PCDHGC5: variants seen among roughly 807,000 people sequenced by gnomAD.
PCDHGC5 encodes the protein protocadherin gamma subfamily C, 5.
PCDHGC5 carries 25 observed loss-of-function variants against 59.0 expected under a neutral mutation model. The observed-to-expected ratio is 0.42, with a 90% CI of 0.31 to 0.59. The LOEUF is 0.59. PCDHGC5 is among the 20% of genes least tolerant of loss of function. The pLI is 0.13. For synonymous variants in PCDHGC5, 434 were observed against 505.5 expected, an observed-to-expected ratio of 0.86 and a Z score of 1.90; for missense variants, 1,067 against 1,206.4, an observed-to-expected ratio of 0.88 and a Z score of 1.71.
At chr5:141,494,770 C>A (rs767006872) in intron 1 of PCDHGC5, 37 bp from the exon 2 acceptor site, 14 of 1,613,904 alleles carry the variant, frequency 8.7e-6, no homozygotes, top group Non-Finnish European at 1.1e-5. Flanking sequence ...TAACTTCTCA[C>A]GGGTACTCAG....
chr5:141,489,990 A>G lies in PCDHGC5; in HGVS notation c.750A>G (p.Gly250=). ...TCCAATCCTCAGTTCTACGTGTGGG[A>G]ATCCCAGAGAATGCACCCATTGGTA... is the stretch of plus-strand genomic sequence containing the variant. ...PTFQSSVLRV[G]IPENAPIGTL... is the part of the protein sequence containing the mutation. Residue 250 remains glycine (G), a synonymous_variant, in exon 1 of 4, where the codon GGA becomes GGG. Transcript: ENST00000252087. This position sits in a 1 kb window ranked among gnomAD's most constrained non-coding sequence, Gnocchi z 4.5. 6.2e-7 allele frequency: 1 copy of G among 1,614,256 alleles called. No individual in the cohort carries two copies. Among genetic ancestry groups the G allele is most frequent in the Non-Finnish European group, 8.5e-7 (1 of 1,180,030 alleles).
chr5:141,489,206 C>A lies in PCDHGC5; in HGVS notation c.-35C>A. On this transcript the variant is annotated 5_prime_UTR_variant, in exon 1 of 4. Transcript: ENST00000252087. This position sits in a 1 kb window ranked among gnomAD's most constrained non-coding sequence, Gnocchi z 4.5. ...TGGGTCTACCTTGGAGACAGGACAG[C>A]ACAGACTTACTCTCCACAAAGGGAC... 2 of 1,439,024 alleles carry A rather than the reference C, an allele frequency of 1.4e-6. No individual in the cohort carries two copies. Among genetic ancestry groups the A allele is most frequent in the Non-Finnish European group, 1.9e-6 (2 of 1,060,928 alleles). 89.1% of individuals were successfully genotyped at this position (1,439,024 alleles called of 1,614,324 possible). A position where few individuals can be genotyped will look rare whatever the true frequency, so the allele number is the denominator to read the frequency against.
intron 1 of PCDHGC5, among the ~76,000 whole-genome samples, chr5:141,492,574 G>T (rs2099742096): frequency 6.6e-6 from 1 of 152,232 alleles, no homozygotes; most frequent in Non-Finnish European, 1.5e-5. Flanking sequence ...TGAGCGAGGC[G>T]CGGGGCCAGG....
At chr5:141,497,540 C>T (rs866982821) in intron 2 of PCDHGC5, among the ~76,000 whole-genome samples, 5 of 134,944 alleles carry the variant, frequency 3.7e-5, no homozygotes, top group African/African-American at 1.1e-4. Context: ...TGCAACAAAC[C>T]TTTTTTTTTT....
chr5:141,505,891 G>A (rs541853565), intron 3 of PCDHGC5, among the ~76,000 whole-genome samples: 9 of 152,288 alleles, frequency 5.9e-5, no homozygotes, highest in Admixed American at 5.9e-4. Context: ...GATTAAATGA[G>A]ATGATACCAC....
rs1562137828 is a variant in PCDHGC5 at position 141,490,359 on chromosome 5, T to C, written c.1119T>C (p.Asn373=). The change falls in exon 1 of 4, where the codon AAT becomes AAC. Residue 373 remains asparagine, a synonymous_variant. Transcript: ENST00000252087. This position sits in a 1 kb window ranked among gnomAD's most constrained non-coding sequence, Gnocchi z 5.4. ...TPVGTVVGLF[N]VRDRDSGRNG... ...TGGGCACAGTAGTGGGGTTGTTTAA[T>C]GTGCGAGACCGGGACTCAGGTAGAA... The C allele has an allele frequency of 1.9e-6, 3 of 1,614,212 alleles. No individual in the cohort carries two copies. The highest frequency in any genetic ancestry group is 2.5e-6 in the Non-Finnish European group (3 of 1,180,036).
chr5:141,505,402 T>G lies in PCDHGC5; in HGVS notation c.2529T>G (p.Asn843Lys), dbSNP rs1216666169. 1.9e-6 allele frequency: 3 copies of G among 1,614,014 alleles called. No homozygotes were observed. Among genetic ancestry groups the G allele is most frequent in the Non-Finnish European group, 2.5e-6 (3 of 1,180,034 alleles). Residue 843 changes from asparagine (N) to lysine (K), a missense_variant, in exon 3 of 4, where the codon AAT (asparagine) becomes AAG (lysine). Coordinates refer to ENST00000252087, the MANE Select transcript of PCDHGC5 (RefSeq NM_018929.3). The part of the protein sequence containing the change: ...AQRPGTSGSQ[N>K]GDDTGTWPNN... ...CCTACTCTCTCCCCAGCTCCCAAAA[T>G]GGCGATGACACCGGCACCTGGCCCA...
chr5:141,500,680 T>C (rs999167635), intron 2 of PCDHGC5, among the ~76,000 whole-genome samples: 7 of 152,224 alleles, frequency 4.6e-5, no homozygotes, highest in Non-Finnish European at 7.3e-5. Context: ...AACAGAATTA[T>C]AGCTTTTTTC....
intron 3 of PCDHGC5, among the ~76,000 whole-genome samples, chr5:141,509,539 A>G (rs749824780): frequency 1.3e-5 from 2 of 152,160 alleles, no homozygotes; most frequent in East Asian, 1.9e-4. Context: ...ATGAAGCACC[A>G]TCTCATTTAG....
At position 141,489,505 on chromosome 5, in the gene PCDHGC5, A is replaced by G. The variant is rs1198371307; in HGVS notation, c.265A>G (p.Lys89Glu). Residue 89 changes from lysine to glutamate, a missense_variant, in exon 1 of 4, where the codon AAG becomes GAG. Lys to Glu is a moderately conservative substitution (Grantham distance 56). Transcript: ENST00000252087. The surrounding 1 kb of genome is among the most constrained non-coding windows in gnomAD (Gnocchi z 4.5). ...LMSGALAVNQ[K>E]IDRESLCGAS... ...GAGTGGTGCCCTGGCAGTGAATCAA[A>G]AGATTGACCGAGAAAGCCTATGTGG... The G allele has an allele frequency of 1.9e-6, 3 of 1,613,972 alleles. No homozygotes were observed. The Admixed American group carries it at 5.0e-5, about 27-fold the overall frequency.
At chr5:141,505,300 G>A in intron 2 of PCDHGC5, 93 bp from the exon 3 acceptor site, 1 of 1,589,042 alleles carries the variant, frequency 6.3e-7, no homozygotes, top group South Asian at 1.1e-5. Flanking sequence ...GGTAGGGTTA[G>A]GGTACTAGGT....
At chr5:141,505,532 G>A in intron 3 of PCDHGC5, 51 bp downstream of exon 3, 2 of 1,611,270 alleles carry the variant, frequency 1.2e-6, no homozygotes, top group Non-Finnish European at 1.7e-6. Context: ...GGGGTTCTGG[G>A]GTGCATCTCA....
chr5:141,511,276 T>A lies in PCDHGC5; in HGVS notation c.*103T>A. ...AGAGTTTCAGGGCTAACCCCCAGAA[T>A]ACTGGTAGGGGCCAAGGCCATGCTC... On this transcript the variant is annotated 3_prime_UTR_variant, in exon 4 of 4. Coordinates refer to ENST00000252087, the MANE Select transcript of PCDHGC5 (RefSeq NM_018929.3). 6.5e-7 allele frequency: 1 copy of A among 1,538,086 alleles called. No homozygotes were observed. Among genetic ancestry groups the A allele is most frequent in the Non-Finnish European group, 8.8e-7 (1 of 1,140,722 alleles).
intron 3 of PCDHGC5, among the ~76,000 whole-genome samples, chr5:141,509,518 T>A (rs1441963133): frequency 6.6e-6 from 1 of 152,170 alleles, no homozygotes; most frequent in Non-Finnish European, 1.5e-5. Context: ...GTTGATGATG[T>A]ATTGCACAGG....
At position 141,494,841 on chromosome 5, in the gene PCDHGC5, A is replaced by G. The variant is rs1163193977; in HGVS notation, c.2495A>G (p.Gln832Arg). ...APPNTDWRFS[Q>R]AQRPGTSGSQ... ...CCCAACACGGACTGGCGTTTCTCTC[A>G]GGCCCAGAGACCCGGCACCAGCGGG... The change falls in exon 2 of 4, where the codon CAG (glutamine) becomes CGG (arginine). Residue 832 changes from glutamine to arginine, a missense_variant. Gln to Arg is a conservative substitution (Grantham distance 43). Coordinates refer to ENST00000252087, the MANE Select transcript of PCDHGC5 (RefSeq NM_018929.3). 1 of 1,613,996 alleles carries G rather than the reference A, an allele frequency of 6.2e-7. No homozygotes were observed. The highest frequency in any genetic ancestry group is 1.1e-5 in the South Asian group (1 of 91,074).
chr5:141,506,177 G>A (rs1024892091), intron 3 of PCDHGC5, among the ~76,000 whole-genome samples: 16 of 152,142 alleles, frequency 1.1e-4, no homozygotes, highest in Admixed American at 4.6e-4. Flanking sequence ...TAAGCTGGGC[G>A]TGGTGGCTCA....
At position 141,505,489 on chromosome 5, in the gene PCDHGC5, G is replaced by A. The variant is rs759637750; in HGVS notation, c.2608+8G>A. On this transcript the variant is annotated splice_region_variant and intron_variant, in intron 3 of 3. Coordinates refer to ENST00000252087, the MANE Select transcript of PCDHGC5 (RefSeq NM_018929.3). ...TCTTGGCGTCCGCCAGTGGTAAGTG[G>A]TGTCAGTGTGTGTATGGAAGAGTGG... The A allele has an allele frequency of 6.2e-7, 1 of 1,614,218 alleles. No homozygotes were observed. The highest frequency in any genetic ancestry group is 1.7e-5 in the Admixed American group (1 of 60,032).
rs1001412632 is a variant in PCDHGC5, at chr5:141,493,097, A to G, written c.2460+1397A>G. On this transcript the variant is annotated intron_variant, in intron 1 of 3. Transcript: ENST00000252087. The surrounding 1 kb of genome is among the most constrained non-coding windows in gnomAD (Gnocchi z 4.3). ...AACTCCAGGAGCTTTTATTCAAAAT[A>G]TATCAATGCCTAACTCTGCTCCTAG... Among the ~76,000 whole-genome samples, 1 of 152,224 alleles carries G rather than the reference A, an allele frequency of 6.6e-6. No homozygotes were observed. The highest frequency in any genetic ancestry group is 2.4e-5 in the African/African-American group (1 of 41,456).
Position 141,511,208 on chromosome 5 carries a change from C to T in PCDHGC5, c.*35C>T, listed in dbSNP as rs1278180818. 27 of 1,610,922 alleles carry T rather than the reference C, an allele frequency of 1.7e-5. No individual in the cohort carries two copies. Among genetic ancestry groups the T allele is most frequent in the Non-Finnish European group, 2.3e-5 (27 of 1,178,572 alleles). ...CAGGCCAAGAGCCACAGGGCGGCCT[C>T]TCCCCAACCAGCCCAGCTTCTCCTT... On this transcript the variant is annotated 3_prime_UTR_variant, in exon 4 of 4. Coordinates refer to ENST00000252087, the MANE Select transcript of PCDHGC5 (RefSeq NM_018929.3).
Sources: gnomAD v4.1 joint callset for allele counts (sites outside exome capture counted in the v4.1 genomes callset) on GRCh38, gnomAD v4.1.1 for gene constraint, Gnocchi (gnomAD v3.1) non-coding constraint, MANE v1.5 for transcripts, NCBI Gene and HGNC (gene_info 2026-07-23, HGNC 2026-07-21) for gene names.